The following LINGO2 variants were observed in gnomAD, a reference collection of about 807,000 sequenced individuals.
LINGO2 encodes the protein leucine rich repeat and Ig domain containing 2.
LINGO2 carries 14 observed loss-of-function variants against 30.6 expected under a neutral mutation model. That is an observed-to-expected ratio of 0.46 (90% CI 0.30 to 0.72). LINGO2 has a LOEUF of 0.72. Ranked by LOEUF, LINGO2 falls within the 30% of genes least tolerant of loss-of-function variation. LINGO2 has a pLI of 0.07. For missense variants in LINGO2, 729 were observed against 751.7 expected (o/e 0.97, Z 0.35); for synonymous variants, 317 against 288.5 (o/e 1.10, Z -1.00).
At chr9:28,543,441 C>T (rs781519996) in intron 1 of LINGO2, among the ~76,000 whole-genome samples, 3 of 152,012 alleles carry the variant, frequency 2.0e-5, no homozygotes, top group South Asian at 4.1e-4. Flanking sequence ...TCTTCATTTA[C>T]GCCTTGTGAA....
intron 2 of LINGO2, among the ~76,000 whole-genome samples, chr9:28,471,159 T>G (rs568001969): frequency 3.0e-4 from 45 of 152,204 alleles, no homozygotes; most frequent in African/African-American, 1.0e-3. Flanking sequence ...GTTAATTTTC[T>G]GTTGCTAAAA....
chr9:28,714,182 T>C, the LINGO2 span, among the ~76,000 whole-genome samples: 10 of 91,334 alleles, frequency 1.1e-4, no homozygotes, highest in African/African-American at 5.1e-4. Context: ...TATATATATA[T>C]ATATATACAC....
intron 5 of LINGO2, among the ~76,000 whole-genome samples, chr9:27,987,749 C>A (rs1302230863): frequency 6.6e-6 from 1 of 151,666 alleles, no homozygotes; most frequent in African/African-American, 2.4e-5. Context: ...CATGTGGAGC[C>A]CTAAAATTCC....
intron 4 of LINGO2, among the ~76,000 whole-genome samples, chr9:28,060,362 C>A (rs1410858971): frequency 6.6e-6 from 1 of 152,190 alleles, no homozygotes; most frequent in Non-Finnish European, 1.5e-5. Flanking sequence ...CCCCTAATTA[C>A]ACTGTATAAT....
At chr9:27,939,449 AC>A in the LINGO2 span, 1 of 152,220 alleles carries the variant, frequency 6.6e-6, no homozygotes, top group Non-Finnish European at 1.5e-5. Context: ...AGCACAGACC[AC>A]TGGATTCTCC....
chr9:29,176,355 C>T, the LINGO2 span, among the ~76,000 whole-genome samples: 36 of 152,274 alleles, frequency 2.4e-4, no homozygotes, highest in African/African-American at 8.2e-4. Flanking sequence ...AGCTAATACC[C>T]GAAACATAGC....
chr9:28,327,157 G>A (rs1471891296), intron 3 of LINGO2, among the ~76,000 whole-genome samples: 1 of 152,100 alleles, frequency 6.6e-6, no homozygotes, highest in Non-Finnish European at 1.5e-5. Context: ...ATGAGAAACA[G>A]GCCCTCCCTA....
At chr9:28,632,884 A>ATATATATATATATAT in intron 1 of LINGO2, among the ~76,000 whole-genome samples, 1 of 80,020 alleles carries the variant, frequency 1.2e-5, no homozygotes, top group Non-Finnish European at 2.2e-5. Context: ...ATATATGTAG[A>ATATATATATATATAT]GAGAGAGAGA....
intron 2 of LINGO2, among the ~76,000 whole-genome samples, chr9:28,417,510 T>C (rs141290167): frequency 4.5e-4 from 68 of 152,302 alleles, no homozygotes; most frequent in African/African-American, 1.6e-3. Context: ...TATTAGGAGA[T>C]AATTATTCCA....
the LINGO2 span, among the ~76,000 whole-genome samples, chr9:29,028,493 T>A: frequency 6.6e-6 from 1 of 151,378 alleles, no homozygotes; most frequent in Non-Finnish European, 1.5e-5. Context: ...TACAAATATA[T>A]CTCTAGTTCT....
chr9:28,171,992 T>TG (rs1214617629), intron 4 of LINGO2, among the ~76,000 whole-genome samples: 58 of 105,620 alleles, frequency 5.5e-4, no homozygotes, highest in Middle Eastern at 9.8e-3. Flanking sequence ...CACTCCAGCC[T>TG]GGTGACAGAG....
At chr9:28,121,236 GT>G (rs34656987) in intron 4 of LINGO2, among the ~76,000 whole-genome samples, 1 of 151,774 alleles carries the variant, frequency 6.6e-6, no homozygotes, top group Admixed American at 6.6e-5. Flanking sequence ...CAGTGCAGAG[GT>G]TTTTTTTACT....
chr9:27,983,372 A>G (rs924951178), intron 5 of LINGO2, among the ~76,000 whole-genome samples: 2 of 151,890 alleles, frequency 1.3e-5, no homozygotes, highest in African/African-American at 4.8e-5. Flanking sequence ...AACGGAAAAG[A>G]GGCACAGTGA....
chr9:29,006,410 T>G, the LINGO2 span, among the ~76,000 whole-genome samples: 1 of 152,006 alleles, frequency 6.6e-6, no homozygotes, highest in Non-Finnish European at 1.5e-5. Flanking sequence ...AAGATCCATA[T>G]AATTCATGCA....
At chr9:28,315,401 C>CG (rs1210280893) in intron 3 of LINGO2, among the ~76,000 whole-genome samples, 6 of 128,022 alleles carry the variant, frequency 4.7e-5, no homozygotes, top group African/African-American at 8.4e-5. Flanking sequence ...GACTCCGTCT[C>CG]GGGGAAAAAA....
At chr9:28,912,986 A>G in the LINGO2 span, among the ~76,000 whole-genome samples, 9 of 152,196 alleles carry the variant, frequency 5.9e-5, no homozygotes, top group South Asian at 1.7e-3. Context: ...TTCTGGCACA[A>G]TAACCAGCCA....
chr9:28,463,002 A>T (rs568171367), intron 2 of LINGO2, among the ~76,000 whole-genome samples: 1 of 152,114 alleles, frequency 6.6e-6, no homozygotes, highest in Non-Finnish European at 1.5e-5. Context: ...AATATCCTGA[A>T]CAAAGAATAC....
chr9:28,769,257 T>A, the LINGO2 span, among the ~76,000 whole-genome samples: 7 of 151,406 alleles, frequency 4.6e-5, no homozygotes, highest in East Asian at 1.4e-3. Flanking sequence ...TTATCTGTAT[T>A]TCTGTAGGTA....
chr9:29,083,134 G>A, the LINGO2 span, among the ~76,000 whole-genome samples: 5 of 152,112 alleles, frequency 3.3e-5, no homozygotes, highest in Non-Finnish European at 5.9e-5. Flanking sequence ...ACATGCACAC[G>A]TATGTTTATT....
Sources: gnomAD v4.1 joint callset for allele counts (sites outside exome capture counted in the v4.1 genomes callset) on GRCh38, gnomAD v4.1.1 for gene constraint, MANE v1.5 for transcripts, NCBI Gene and HGNC (gene_info 2026-07-23, HGNC 2026-07-21) for gene names.